SUPT3H: variants seen among roughly 807,000 people sequenced by gnomAD.
SUPT3H encodes the protein transcription initiation protein SPT3 homolog.
In SUPT3H, 44 loss-of-function variants were observed where a neutral mutation model predicts 44.3. The ratio of observed to expected loss-of-function variants is 0.99; its 90% CI spans 0.78 to 1.28. SUPT3H has a LOEUF of 1.28. Ranked by LOEUF, SUPT3H falls within the 50% of genes most tolerant of loss-of-function variation. The pLI, the probability that SUPT3H is intolerant of heterozygous loss-of-function variation, is 0.00. For missense variants in SUPT3H, 380 were observed against 387.1 expected (o/e 0.98, Z 0.15); for synonymous variants, 124 against 125.6 (o/e 0.99, Z 0.09).
chr6:45,067,704 A>G (rs1793619364), intron 3 of SUPT3H, among the ~76,000 whole-genome samples: 2 of 149,636 alleles, frequency 1.3e-5, no homozygotes, highest in South Asian at 2.1e-4. Flanking sequence ...CAAGAAACAC[A>G]TGAAAAAATG....
At chr6:45,203,345 G>A (rs145786971) in intron 2 of SUPT3H, among the ~76,000 whole-genome samples, 287 of 152,234 alleles carry the variant, frequency 1.9e-3, no homozygotes, top group Non-Finnish European at 3.4e-3. Context: ...CCTACACTCT[G>A]TACCTAAATG....
At chr6:45,174,502 T>C (rs1584017805) in intron 2 of SUPT3H, among the ~76,000 whole-genome samples, 1 of 152,108 alleles carries the variant, frequency 6.6e-6, no homozygotes, top group Non-Finnish European at 1.5e-5. Flanking sequence ...AGGTTAAGAA[T>C]CATTGAGCAT....
Position 44,972,022 on chromosome 6 carries a change from C to A in SUPT3H, c.505-10194G>T, listed in dbSNP as rs576760565. 2.2e-3 allele frequency among the ~76,000 whole-genome samples: 331 copies of A among 152,098 alleles called. 1 individual carries two copies. The highest frequency in any genetic ancestry group is 7.6e-3 in the African/African-American group (317 of 41,512). On this transcript the variant is annotated intron_variant, in intron 6 of 10. Coordinates refer to ENST00000371459, the MANE Select transcript of SUPT3H (RefSeq NM_003599.4). ...ATCTCCTGACCTTGTGATCTGTCCA[C>A]CTCGGCCTCCCAAAGTGCTGGGATT... is the stretch of plus-strand genomic sequence containing the variant.
intron 2 of SUPT3H, among the ~76,000 whole-genome samples, chr6:45,362,042 G>A (rs191728214): frequency 1.1e-3 from 172 of 152,166 alleles, no homozygotes; most frequent in African/African-American, 3.9e-3. Flanking sequence ...AACAAAGCTA[G>A]ATTCCTCTCA....
At chr6:44,924,237 A>G (rs1341908628) in intron 10 of SUPT3H, among the ~76,000 whole-genome samples, 1 of 152,112 alleles carries the variant, frequency 6.6e-6, no homozygotes, top group African/African-American at 2.4e-5. Context: ...AGACTTTTGC[A>G]GGCCTGTATA....
At chr6:45,028,249 A>C (rs566069635) in intron 3 of SUPT3H, among the ~76,000 whole-genome samples, 1 of 152,362 alleles carries the variant, frequency 6.6e-6, no homozygotes, top group Non-Finnish European at 1.5e-5. Flanking sequence ...CTATTTTGCC[A>C]GAATGGCACA....
chr6:45,315,255 G>T (rs1195933494), intron 2 of SUPT3H, among the ~76,000 whole-genome samples: 2 of 151,782 alleles, frequency 1.3e-5, no homozygotes, highest in Middle Eastern at 3.2e-3. Context: ...AAACCCAAAA[G>T]CAATTGCAAT....
intron 3 of SUPT3H, among the ~76,000 whole-genome samples, chr6:45,071,607 C>A (rs1181643183): frequency 6.6e-6 from 1 of 152,154 alleles, no homozygotes; most frequent in Non-Finnish European, 1.5e-5. Flanking sequence ...GCCATGTATA[C>A]TGTGACTGGG....
intron 2 of SUPT3H, among the ~76,000 whole-genome samples, chr6:45,158,298 A>ATATTTTTTT: frequency 2.0e-5 from 2 of 99,694 alleles, no homozygotes; most frequent in African/African-American, 1.0e-4. Context: ...ATATATATAT[A>ATATTTTTTT]TTTTTTTTTT....
chr6:45,277,032 C>A (rs1239555185), intron 2 of SUPT3H, among the ~76,000 whole-genome samples: 1 of 152,152 alleles, frequency 6.6e-6, no homozygotes, highest in African/African-American at 2.4e-5. Flanking sequence ...AACTCCTTAT[C>A]CAATGTAAAC....
At chr6:45,122,919 C>A (rs1396452737) in intron 2 of SUPT3H, among the ~76,000 whole-genome samples, 1 of 152,154 alleles carries the variant, frequency 6.6e-6, no homozygotes, top group Admixed American at 6.5e-5. Flanking sequence ...TTTTCAGCTT[C>A]ATCATTAACA....
chr6:45,065,735 A>G (rs1793172357), intron 3 of SUPT3H, among the ~76,000 whole-genome samples: 2 of 151,624 alleles, frequency 1.3e-5, no homozygotes, highest in African/African-American at 2.4e-5. Flanking sequence ...TCCTCAACAC[A>G]TACACTCTCC....
chr6:45,363,629 A>G (rs2150264073), intron 2 of SUPT3H, among the ~76,000 whole-genome samples: 1 of 152,252 alleles, frequency 6.6e-6, no homozygotes, highest in Non-Finnish European at 1.5e-5. Context: ...AACATAACAC[A>G]ACATAAAATA....
chr6:44,954,606 G>C lies in SUPT3H; in HGVS notation c.582C>G (p.Ser194=). Residue 194 remains serine (S), a splice_region_variant and synonymous_variant, in exon 8 of 11, where the codon TCC becomes TCG. Coordinates refer to ENST00000371459, the MANE Select transcript of SUPT3H (RefSeq NM_003599.4). ...AGTCTCGAAATTTGGAAGCTTTTTT[G>C]GCTGGCCATTTAAAAAAAACAAGTG... ...EFCESRQLSF[S]KKASKFRDWL... is the part of the protein sequence containing the mutation. The C allele has an allele frequency of 2.5e-6, 4 of 1,605,346 alleles. No individual in the cohort carries two copies. The highest frequency in any genetic ancestry group is 3.4e-6 in the Non-Finnish European group (4 of 1,173,798).
At chr6:45,187,400 G>A (rs1341137446) in intron 2 of SUPT3H, among the ~76,000 whole-genome samples, 1 of 134,358 alleles carries the variant, frequency 7.4e-6, no homozygotes, top group African/African-American at 3.0e-5. Flanking sequence ...GGGCGACAAG[G>A]GCAAAACTCC....
chr6:45,055,437 C>T (rs1790952868), intron 3 of SUPT3H, among the ~76,000 whole-genome samples: 1 of 152,158 alleles, frequency 6.6e-6, no homozygotes, highest in South Asian at 2.1e-4. Context: ...TAATACATGG[C>T]TGTATTCACC....
At chr6:45,003,427 C>T (rs919302820) in intron 6 of SUPT3H, among the ~76,000 whole-genome samples, 2 of 151,972 alleles carry the variant, frequency 1.3e-5, no homozygotes, top group African/African-American at 2.4e-5. Flanking sequence ...ATTTTCAAAA[C>T]GGGAAATAAG....
At chr6:45,175,604 T>G (rs1445821379) in intron 2 of SUPT3H, among the ~76,000 whole-genome samples, 1 of 152,150 alleles carries the variant, frequency 6.6e-6, no homozygotes, top group Non-Finnish European at 1.5e-5. Flanking sequence ...TCTTCTTATC[T>G]CTAGCAGCAG....
intron 2 of SUPT3H, among the ~76,000 whole-genome samples, chr6:45,124,808 G>A (rs10456121): frequency 0.23 from 34,381 of 151,880 alleles, 4,565 homozygotes; most frequent in Non-Finnish European, 0.31. Flanking sequence ...CTCAGAATAT[G>A]ACCTTATTTA....
Sources: allele counts gnomAD v4.1 joint callset (sites outside exome capture counted in the v4.1 genomes callset), GRCh38; gene constraint gnomAD v4.1.1; transcripts MANE v1.5; gene names NCBI Gene and HGNC (gene_info 2026-07-23, HGNC 2026-07-21).